Variants in MINDY4 observed in about 807,000 individuals in gnomAD.
MINDY4 encodes probable ubiquitin carboxyl-terminal hydrolase MINDY-4.
A neutral mutation model predicts 87.0 loss-of-function variants in MINDY4; 68 were observed. That is an observed-to-expected ratio of 0.78 (90% CI 0.64 to 0.96). MINDY4 has a LOEUF of 0.96. Among genes scored for constraint, MINDY4 ranks in the 40% least tolerant of loss-of-function variants. The pLI is 0.00. For missense variants in MINDY4, 919 were observed against 928.2 expected, an observed-to-expected ratio of 0.99 and a Z score of 0.13; for synonymous variants, 379 against 363.2, an observed-to-expected ratio of 1.04 and a Z score of -0.50.
intron 5 of MINDY4, among the ~76,000 whole-genome samples, chr7:30,810,838 T>TA (rs1787972662): frequency 6.6e-6 from 1 of 152,140 alleles, no homozygotes. Context: ...TTCTTTGGTC[T>TA]AAAAACTAAT....
chr7:30,869,156 C>G (rs576170361), intron 13 of MINDY4, among the ~76,000 whole-genome samples: 27 of 152,292 alleles, frequency 1.8e-4, no homozygotes, highest in Non-Finnish European at 3.5e-4. Flanking sequence ...CCAGGGTCAT[C>G]CAGCCCCCAG....
rs753519433 is a variant in MINDY4, at chr7:30,872,290, A to G, written c.1793A>G (p.His598Arg). 6.2e-7 allele frequency: 1 copy of G among 1,614,092 alleles called. No homozygotes were observed. Among genetic ancestry groups the G allele is most frequent in the Non-Finnish European group, 8.5e-7 (1 of 1,180,000 alleles). Residue 598 changes from histidine to arginine, a missense_variant, in exon 14 of 18, where the codon CAT becomes CGT. Physicochemically the swap from His to Arg is conservative, Grantham distance 29. Transcript: ENST00000265299. Reference sequence around the variant, plus strand: ...CCCACCAGCCACCTGATTGGAGCACATGGCTACTGTACACAGGTCAGGGGG... The same window carrying G: ...CCCACCAGCCACCTGATTGGAGCACGTGGCTACTGTACACAGGTCAGGGGG... ...DVPTSHLIGA[H>R]GYCTQELVNL...
intron 13 of MINDY4, among the ~76,000 whole-genome samples, chr7:30,864,715 A>G (rs1342212597): frequency 6.6e-6 from 1 of 152,230 alleles, no homozygotes; most frequent in Non-Finnish European, 1.5e-5. Context: ...GTCACTGCCC[A>G]GAGAAGGCCA....
intron 9 of MINDY4, among the ~76,000 whole-genome samples, chr7:30,843,385 C>T (rs1438455062): frequency 6.6e-6 from 1 of 152,168 alleles, no homozygotes; most frequent in Non-Finnish European, 1.5e-5. Flanking sequence ...TTGGGTGCTG[C>T]CAGCTGCTTG....
At chr7:30,784,919 C>T (rs1003171831) in intron 3 of MINDY4, among the ~76,000 whole-genome samples, 5 of 152,140 alleles carry the variant, frequency 3.3e-5, no homozygotes, top group Non-Finnish European at 5.9e-5. Flanking sequence ...ATGGCAGAGC[C>T]CAGTGGTAGA....
At chr7:30,791,661 ACTT>A in intron 5 of MINDY4, 87 bp downstream of exon 5, 1 of 1,357,698 alleles carries the variant, frequency 7.4e-7, no homozygotes, top group Non-Finnish European at 1.0e-6. Context: ...TCCGAAGGGA[ACTT>A]CTTAGTCTCC....
chr7:30,868,326 C>T (rs1790001444), intron 13 of MINDY4, among the ~76,000 whole-genome samples: 1 of 152,226 alleles, frequency 6.6e-6, no homozygotes. Context: ...TGTGTGACCA[C>T]AAAACCACGA....
At chr7:30,828,778 C>T (rs750362668) in intron 6 of MINDY4, 41 bp downstream of exon 6, 3 of 1,602,222 alleles carry the variant, frequency 1.9e-6, no homozygotes, top group African/African-American at 1.3e-5. Context: ...CCATCAGGGC[C>T]CAAGGGGTCC....
At chr7:30,863,295 T>C (rs2128575466) in intron 13 of MINDY4, among the ~76,000 whole-genome samples, 1 of 152,302 alleles carries the variant, frequency 6.6e-6, no homozygotes, top group East Asian at 1.9e-4. Context: ...AGTGGTGGGC[T>C]GGGAAAACCC....
chr7:30,774,987 A>G (rs573537946), intron 1 of MINDY4, among the ~76,000 whole-genome samples: 12 of 152,106 alleles, frequency 7.9e-5, no homozygotes, highest in East Asian at 3.9e-4. Context: ...AATTCTTACA[A>G]CTGCCTATTC....
intron 1 of MINDY4, among the ~76,000 whole-genome samples, chr7:30,775,625 G>A (rs896002547): frequency 6.6e-6 from 1 of 152,188 alleles, no homozygotes; most frequent in African/African-American, 2.4e-5. Flanking sequence ...TTGGGAGGTA[G>A]GGCTGAAAGT....
chr7:30,834,341 T>C (rs1250425919), intron 6 of MINDY4, among the ~76,000 whole-genome samples: 1 of 152,220 alleles, frequency 6.6e-6, no homozygotes, highest in Non-Finnish European at 1.5e-5. Flanking sequence ...GCTTAGGCCT[T>C]GCACCTTTGA....
At chr7:30,786,391 T>C (rs1787158169) in intron 4 of MINDY4, 1 of 171,368 alleles carries the variant, frequency 5.8e-6, no homozygotes, top group African/African-American at 2.4e-5. Context: ...GGTGGAAGAA[T>C]TGCTTGAGCC....
chr7:30,809,166 T>C (rs1337376585), intron 5 of MINDY4, among the ~76,000 whole-genome samples: 4 of 152,156 alleles, frequency 2.6e-5, no homozygotes, highest in African/African-American at 9.7e-5. Flanking sequence ...CAGTACCACT[T>C]TGTTGTCAGT....
Position 30,791,423 on chromosome 7 carries a change from G to A in MINDY4, c.922G>A (p.Asp308Asn). 6.2e-7 allele frequency: 1 copy of A among 1,614,124 alleles called. No homozygotes were observed. The highest frequency in any genetic ancestry group is 8.5e-7 in the Non-Finnish European group (1 of 1,180,022). The change falls in exon 5 of 18, where the codon GAT becomes AAT. Residue 308 changes from aspartate to asparagine, a missense_variant. Transcript: ENST00000265299. Reference sequence around the variant, plus strand: ...CCCATGGGACAGGGCCAGGCCGAGGGATCCCTCCGAGGACACCCCAGCAGT... The same window carrying A: ...CCCATGGGACAGGGCCAGGCCGAGGAATCCCTCCGAGGACACCCCAGCAGT... Reference protein sequence around the residue: ...LPPWDRARPRDPSEDTPAVDG... With the variant: ...LPPWDRARPRNPSEDTPAVDG...
rs549704114 is a variant in MINDY4 at position 30,793,355 on chromosome 7, A to AT, written c.1073+1790dup. 5.0e-5 allele frequency among the ~76,000 whole-genome samples: 7 copies of AT among 140,798 alleles called. No homozygotes were observed. In the South Asian group the frequency reaches 9.0e-4, roughly 18 times the overall value. The allele number at this position is 140,798 out of a possible 152,430, so 92.4% of individuals were successfully genotyped here. A position where few individuals can be genotyped will look rare whatever the true frequency, so the allele number is the denominator to read the frequency against. On this transcript the variant is annotated intron_variant, in intron 5 of 17. Coordinates refer to ENST00000265299, the MANE Select transcript of MINDY4 (RefSeq NM_032222.3). ...TTTTACTCGAATAACTTCCTTTAGT[A>AT]TTTTTTTTTAGCAGGTATGTTAAAT...
At chr7:30,867,111 A>G (rs1049545690) in intron 13 of MINDY4, among the ~76,000 whole-genome samples, 1 of 152,210 alleles carries the variant, frequency 6.6e-6, no homozygotes, top group African/African-American at 2.4e-5. Flanking sequence ...AGGCTCAGAA[A>G]TGGAAAGCGA....
intron 13 of MINDY4, among the ~76,000 whole-genome samples, chr7:30,870,189 C>T (rs958283207): frequency 2.6e-5 from 4 of 152,296 alleles, no homozygotes; most frequent in Non-Finnish European, 5.9e-5. Flanking sequence ...TCCCCCTGCT[C>T]CCAGCTGACG....
intron 5 of MINDY4, among the ~76,000 whole-genome samples, chr7:30,824,158 G>A (rs564043032): frequency 2.6e-5 from 4 of 152,306 alleles, no homozygotes; most frequent in East Asian, 1.9e-4. Context: ...TGGAAAGTCC[G>A]AGGATGGGAG....
Sources: gnomAD v4.1 joint callset for allele counts (sites outside exome capture counted in the v4.1 genomes callset) on GRCh38, gnomAD v4.1.1 for gene constraint, MANE v1.5 for transcripts, NCBI Gene and HGNC (gene_info 2026-07-23, HGNC 2026-07-21) for gene names.